Variants in IL17RA observed in about 807,000 individuals in gnomAD.
IL17RA encodes interleukin-17 receptor A.
Under a neutral mutation model 50.4 loss-of-function variants are expected in IL17RA, and 34 were observed. The observed-to-expected ratio is 0.67, with a 90% CI of 0.51 to 0.90. The LOEUF (loss-of-function observed/expected upper bound fraction) is 0.90, where lower values mean the gene tolerates loss of function less well. Among genes scored for constraint, IL17RA ranks in the 40% least tolerant of loss-of-function variants. The pLI is 0.00. For synonymous variants in IL17RA, 585 were observed against 510.4 expected (o/e 1.15, Z -1.97); for missense variants, 1,276 against 1,169.8 (o/e 1.09, Z -1.32).
chr22:17,102,418 T>C, intron 7 of IL17RA, 116 bp downstream of exon 7: 1 of 1,117,752 alleles, frequency 8.9e-7, no homozygotes, highest in Non-Finnish European at 1.4e-6. Flanking sequence ...GACTCAGGGC[T>C]GTGCTTAGTC....
At chr22:17,100,557 G>GC (rs1216237052) in intron 5 of IL17RA, 76 bp downstream of exon 5, 6 of 1,564,148 alleles carry the variant, frequency 3.8e-6, no homozygotes, top group Middle Eastern at 4.0e-4. Flanking sequence ...ACAGATGCCA[G>GC]CCCCCCTGCT....
Position 17,103,654 on chromosome 22 carries a change from G to C in IL17RA, c.846+77G>C. 2.6e-6 allele frequency: 3 copies of C among 1,147,670 alleles called. No individual in the cohort carries two copies. The South Asian group carries it at 3.9e-5, about 15-fold the overall frequency. The allele number at this position is 1,147,670 out of a possible 1,614,324, so 71.1% of individuals were successfully genotyped here. On this transcript the variant is annotated intron_variant, in intron 8 of 12. Coordinates refer to ENST00000319363, the MANE Select transcript of IL17RA (RefSeq NM_014339.7). ...TAGAGTGGACAGGAGTGAGGAGTGT[G>C]CACAGGTGAAGAGTGGTGTGGACGG...
chr22:17,106,410 T>C (rs561327315), intron 11 of IL17RA, among the ~76,000 whole-genome samples: 4 of 152,222 alleles, frequency 2.6e-5, no homozygotes, highest in Non-Finnish European at 5.9e-5. Context: ...CTCATTAGCC[T>C]TGTAGTCACA....
At chr22:17,093,614 T>C (rs1370210522) in intron 1 of IL17RA, 1 of 154,260 alleles carries the variant, frequency 6.5e-6, no homozygotes, top group African/African-American at 2.5e-5. Context: ...ATCAACAGTT[T>C]GTTCTCATCC....
chr22:17,103,335 G>A (rs543702167), intron 7 of IL17RA, among the ~76,000 whole-genome samples, 159 bp from the exon 8 acceptor site: 1 of 152,174 alleles, frequency 6.6e-6, no homozygotes, highest in African/African-American at 2.4e-5. Context: ...ATGCAGAAAC[G>A]GAGTTTTTTT....
Position 17,109,426 on chromosome 22 carries a change from C to A in IL17RA, c.2207C>A (p.Ser736Tyr). 1 of 1,613,408 alleles carries A rather than the reference C, an allele frequency of 6.2e-7. No homozygotes were observed. Among genetic ancestry groups the A allele is most frequent in the Non-Finnish European group, 8.5e-7 (1 of 1,179,992 alleles). ...SPLGSSTPMA[S>Y]PDLLPEDVRE... ...CTTGGCAGCAGCACCCCCATGGCGTCTCCTGACCTCCTTCCAGAGGACGTG... is the reference window on the plus strand; with the variant it reads ...CTTGGCAGCAGCACCCCCATGGCGTATCCTGACCTCCTTCCAGAGGACGTG... Residue 736 changes from serine (S) to tyrosine (Y), a missense_variant, in exon 13 of 13, where the codon TCT (serine) becomes TAT (tyrosine). By Grantham distance (144) the Ser-to-Tyr change is moderately radical. Transcript: ENST00000319363.
chr22:17,106,324 G>A (rs1274262392), intron 11 of IL17RA, among the ~76,000 whole-genome samples: 1 of 152,186 alleles, frequency 6.6e-6, no homozygotes, highest in East Asian at 1.9e-4. Flanking sequence ...GGGTCAGGGA[G>A]AATAGTGAGG....
In IL17RA at chr22:17,108,752, C is replaced by T. The variant is rs779086814; in HGVS notation, c.1533C>T (p.Gly511=). 3.7e-6 allele frequency: 6 copies of T among 1,611,004 alleles called. No individual in the cohort carries two copies. The South Asian group carries it at 4.4e-5, about 12-fold the overall frequency. ...VCYFSEVSCD[G]DVPDLFGAAP... ...ACTTCAGCGAGGTCAGCTGTGACGG[C>T]GACGTCCCCGACCTGTTCGGCGCGG... Residue 511 remains glycine, a synonymous_variant, in exon 13 of 13, where the codon GGC becomes GGT. Coordinates refer to ENST00000319363, the MANE Select transcript of IL17RA (RefSeq NM_014339.7).
rs546030703 is a variant in IL17RA, at chr22:17,114,084, G to C, written c.*4264G>C. 2.0e-5 allele frequency: 3 copies of C among 152,358 alleles called. No homozygotes were observed. The highest frequency in any genetic ancestry group is 7.2e-5 in the African/African-American group (3 of 41,578). The allele number at this position is 152,358 out of a possible 1,614,324, so 9.4% of individuals were successfully genotyped here. A position where few individuals can be genotyped will look rare whatever the true frequency, so the allele number is the denominator to read the frequency against. ...AGGAGCTCAGGAAGTACTTGGCTGA[G>C]TGAACATGTCCATTGTGGAAAAATG... On this transcript the variant is annotated 3_prime_UTR_variant, in exon 13 of 13. Coordinates refer to ENST00000319363, the MANE Select transcript of IL17RA (RefSeq NM_014339.7).
In IL17RA at chr22:17,109,087, T is replaced by G; in HGVS notation, c.1868T>G (p.Leu623Arg). ...ACCGGCATCGTGAAGCGGGCGCCCC[T>G]GGTGCGCGAGCCTGGCTCCCAGGCC... ...PGTGIVKRAP[L>R]VREPGSQACL... The change falls in exon 13 of 13, where the codon CTG becomes CGG. Residue 623 changes from leucine to arginine, a missense_variant. Physicochemically the swap from Leu to Arg is moderately radical, Grantham distance 102 (BLOSUM62 -2). Transcript: ENST00000319363. 1 of 1,568,988 alleles carries G rather than the reference T, an allele frequency of 6.4e-7. No homozygotes were observed. Among genetic ancestry groups the G allele is most frequent in the Non-Finnish European group, 8.6e-7 (1 of 1,166,088 alleles).
rs565410519 is a variant in IL17RA at position 17,088,576 on chromosome 22, C to T, written c.138+3347C>T. On this transcript the variant is annotated intron_variant, in intron 1 of 12. Transcript: ENST00000319363. ...TCTCGGCTCACTGCAACATCCACCT[C>T]CCAGGTTTGAGCGATTCTTCTGCCT... 3.3e-4 allele frequency among the ~76,000 whole-genome samples: 50 copies of T among 152,268 alleles called. 1 individual carries two copies. The South Asian group carries it at 0.01, about 31-fold the overall frequency.
chr22:17,107,796 C>G (rs1236426005), intron 12 of IL17RA, 28 bp downstream of exon 12: 1 of 1,608,958 alleles, frequency 6.2e-7, no homozygotes, highest in African/African-American at 1.3e-5. Context: ...TGCATGTTTG[C>G]TTATTTTTAA....
At chr22:17,091,596 G>A (rs1321420544) in intron 1 of IL17RA, among the ~76,000 whole-genome samples, 1 of 151,952 alleles carries the variant, frequency 6.6e-6, no homozygotes. Context: ...AAGAATGGGG[G>A]GAACCTGGGA....
chr22:17,101,360 C>T (rs549895382), intron 5 of IL17RA, among the ~76,000 whole-genome samples: 8 of 152,198 alleles, frequency 5.3e-5, no homozygotes, highest in South Asian at 2.1e-4. Context: ...CCTGCACACA[C>T]GCGTGCACAC....
At position 17,110,074 on chromosome 22, in the gene IL17RA, C is replaced by G; in HGVS notation, c.*254C>G. On this transcript the variant is annotated 3_prime_UTR_variant, in exon 13 of 13. Coordinates refer to ENST00000319363, the MANE Select transcript of IL17RA (RefSeq NM_014339.7). Reference sequence around the variant, plus strand: ...CTAATGGTAGAGCGTCCTTGAGGCTCCATTATTCGTTCATTCAGCATTTAT... The same window carrying G: ...CTAATGGTAGAGCGTCCTTGAGGCTGCATTATTCGTTCATTCAGCATTTAT... The G allele has an allele frequency of 1.8e-6, 1 of 546,484 alleles. No individual in the cohort carries two copies. The highest frequency in any genetic ancestry group is 3.3e-6 in the Non-Finnish European group (1 of 304,444). The allele number at this position is 546,484 out of a possible 1,614,324, so 33.9% of individuals were successfully genotyped here. A position where few individuals can be genotyped will look rare whatever the true frequency, so the allele number is the denominator to read the frequency against.
intron 4 of IL17RA, among the ~76,000 whole-genome samples, chr22:17,099,615 A>G (rs1461475380): frequency 2.0e-5 from 3 of 151,890 alleles, no homozygotes; most frequent in Non-Finnish European, 4.4e-5. Context: ...AACAAGTTAG[A>G]TCTCCCACAA....
rs1011624912 is a variant in IL17RA, at chr22:17,114,172, A to G, written c.*4352A>G. 3.9e-5 allele frequency: 6 copies of G among 152,180 alleles called. No homozygotes were observed. The highest frequency in any genetic ancestry group is 1.5e-5 in the Non-Finnish European group (1 of 68,040). 9.4% of individuals were successfully genotyped at this position (152,180 alleles called of 1,614,324 possible). On this transcript the variant is annotated 3_prime_UTR_variant, in exon 13 of 13. Coordinates refer to ENST00000319363, the MANE Select transcript of IL17RA (RefSeq NM_014339.7). ...AATATGAAGAAAAGCAGCTACCCCT[A>G]AACCCATTGCACAAGCTGTTCATGT...
chr22:17,100,643 G>A (rs1444522335), intron 5 of IL17RA, among the ~76,000 whole-genome samples, 162 bp downstream of exon 5: 1 of 152,234 alleles, frequency 6.6e-6, no homozygotes, highest in Non-Finnish European at 1.5e-5. Context: ...GAGTGCTTTG[G>A]TGTGTGCTGC....
At chr22:17,105,724 G>GGGC (rs1555874498) in intron 10 of IL17RA, 122 bp downstream of exon 10, 1 of 1,386,462 alleles carries the variant, frequency 7.2e-7, no homozygotes. Flanking sequence ...CCGGGGTGGG[G>GGGC]GGTGAGACCA....
Sources: gnomAD v4.1 joint callset for allele counts (sites outside exome capture counted in the v4.1 genomes callset) on GRCh38, gnomAD v4.1.1 for gene constraint, MANE v1.5 for transcripts, NCBI Gene and HGNC (gene_info 2026-07-23, HGNC 2026-07-21) for gene names.